The following GPR158 variants were observed in gnomAD, a reference collection of about 807,000 sequenced individuals.
The protein encoded by GPR158 is metabotropic glycine receptor.
A neutral mutation model predicts 78.2 loss-of-function variants in GPR158; 30 were observed. That is an observed-to-expected ratio of 0.38 (90% CI 0.29 to 0.52). The LOEUF (loss-of-function observed/expected upper bound fraction) is 0.52. GPR158 is among the 20% of genes least tolerant of loss of function. The pLI is 0.83. For missense variants in GPR158, 1,463 were observed against 1,523.5 expected (o/e 0.96, Z 0.66); for synonymous variants, 581 against 591.1 (o/e 0.98, Z 0.25).
intron 2 of GPR158, among the ~76,000 whole-genome samples, chr10:25,228,672 T>C (rs1853406455): frequency 6.6e-6 from 1 of 152,148 alleles, no homozygotes. Flanking sequence ...CCAATGTTTT[T>C]TTCCCCCTGA....
chr10:25,514,805 G>A (rs769177205), intron 5 of GPR158, among the ~76,000 whole-genome samples: 1 of 152,106 alleles, frequency 6.6e-6, no homozygotes, highest in African/African-American at 2.4e-5. Flanking sequence ...ATTCTTGGCT[G>A]ATAACTGTTT....
chr10:25,525,763 T>G (rs1243295855), intron 5 of GPR158, among the ~76,000 whole-genome samples: 1 of 152,124 alleles, frequency 6.6e-6, no homozygotes, highest in African/African-American at 2.4e-5. Context: ...TGACTATACT[T>G]CAAATGAATG....
intron 4 of GPR158, among the ~76,000 whole-genome samples, chr10:25,420,653 C>T (rs1242388730): frequency 6.6e-6 from 1 of 151,856 alleles, no homozygotes; most frequent in Non-Finnish European, 1.5e-5. Flanking sequence ...AGTATAAGAT[C>T]AGAATCCAAC....
chr10:25,408,527 G>A (rs1834544798), intron 3 of GPR158, among the ~76,000 whole-genome samples: 2 of 152,134 alleles, frequency 1.3e-5, no homozygotes, highest in Non-Finnish European at 2.9e-5. Flanking sequence ...AGTGCTCTAT[G>A]ACTTTTGACA....
intron 2 of GPR158, among the ~76,000 whole-genome samples, chr10:25,368,480 A>G (rs1588828832): frequency 6.6e-6 from 1 of 152,034 alleles, no homozygotes; most frequent in African/African-American, 2.4e-5. Context: ...GATCATATGG[A>G]AAAAATCTCA....
intron 2 of GPR158, among the ~76,000 whole-genome samples, chr10:25,312,446 A>T (rs1299113813): frequency 6.6e-6 from 1 of 152,070 alleles, no homozygotes; most frequent in Admixed American, 6.6e-5. Context: ...GAATTTTGTT[A>T]TTGTCAGAAA....
chr10:25,329,232 T>C lies in GPR158; in HGVS notation c.1009-66679T>C, dbSNP rs577207894. On this transcript the variant is annotated intron_variant, in intron 2 of 10. Coordinates refer to ENST00000376351, the MANE Select transcript of GPR158 (RefSeq NM_020752.3). ...CGGGCAGATCACGAGGTCAGGAGAT[T>C]GAGACCATCCTGGCTAACACGGTGA... Among the ~76,000 whole-genome samples the C allele has an allele frequency of 3.3e-3, 503 of 151,930 alleles. 3 individuals are homozygous for C. Among genetic ancestry groups the C allele is most frequent in the African/African-American group, 0.011 (464 of 41,470 alleles).
chr10:25,551,799 A>G (rs750702311), intron 6 of GPR158, among the ~76,000 whole-genome samples: 33 of 152,206 alleles, frequency 2.2e-4, no homozygotes, highest in Non-Finnish European at 4.4e-5. Context: ...GCCAAAGAGC[A>G]TAGGAGATAA....
At chr10:25,545,130 A>G (rs1281815693) in intron 5 of GPR158, among the ~76,000 whole-genome samples, 9 of 152,188 alleles carry the variant, frequency 5.9e-5, no homozygotes. Context: ...GGTTGGTTGC[A>G]AGTCTCTGCT....
chr10:25,322,414 A>G (rs1301340796), intron 2 of GPR158, among the ~76,000 whole-genome samples: 2 of 152,046 alleles, frequency 1.3e-5, no homozygotes, highest in African/African-American at 4.8e-5. Flanking sequence ...AAAATCACAG[A>G]TACTTGTGGA....
At chr10:25,313,432 G>T (rs1276157011) in intron 2 of GPR158, among the ~76,000 whole-genome samples, 1 of 151,858 alleles carries the variant, frequency 6.6e-6, no homozygotes, top group Non-Finnish European at 1.5e-5. Flanking sequence ...AAACACTTGG[G>T]AGTACTTAAC....
chr10:25,526,103 T>TTA (rs1836343657), intron 5 of GPR158, among the ~76,000 whole-genome samples: 1 of 69,174 alleles, frequency 1.4e-5, no homozygotes, highest in African/African-American at 4.9e-5. Context: ...CAATTTTGTC[T>TTA]AAAAAAAAAA....
At chr10:25,563,711 A>C (rs1427732374) in intron 6 of GPR158, among the ~76,000 whole-genome samples, 2 of 152,052 alleles carry the variant, frequency 1.3e-5, no homozygotes, top group Non-Finnish European at 2.9e-5. Context: ...GCTCCTATTA[A>C]CTTTTATGCT....
chr10:25,551,920 G>C (rs1478910013), intron 6 of GPR158, among the ~76,000 whole-genome samples: 2 of 152,178 alleles, frequency 1.3e-5, no homozygotes, highest in African/African-American at 4.8e-5. Context: ...ATATGTTCAT[G>C]CTAGTCTGGC....
intron 1 of GPR158, among the ~76,000 whole-genome samples, chr10:25,190,998 TA>T (rs1412452836): frequency 2.0e-5 from 3 of 152,324 alleles, no homozygotes; most frequent in African/African-American, 7.2e-5. Flanking sequence ...CTGGATAAGG[TA>T]AACTTTTAGG....
At chr10:25,399,677 T>G (rs1401981131) in intron 3 of GPR158, among the ~76,000 whole-genome samples, 1 of 152,206 alleles carries the variant, frequency 6.6e-6, no homozygotes, top group Non-Finnish European at 1.5e-5. Flanking sequence ...CATTAATCAC[T>G]TCTTGTCCTA....
intron 4 of GPR158, among the ~76,000 whole-genome samples, chr10:25,426,335 C>T (rs1321559249): frequency 1.3e-5 from 2 of 152,052 alleles, no homozygotes; most frequent in Admixed American, 6.6e-5. Flanking sequence ...TTTTACTTTC[C>T]ATCAGTAACT....
chr10:25,575,326 A>G (rs1837076515), intron 7 of GPR158, among the ~76,000 whole-genome samples: 1 of 152,144 alleles, frequency 6.6e-6, no homozygotes, highest in Admixed American at 6.5e-5. Context: ...ATAAGGATGT[A>G]TTTTGGTTTT....
intron 5 of GPR158, among the ~76,000 whole-genome samples, chr10:25,547,528 G>T (rs919056276): frequency 6.6e-6 from 1 of 151,970 alleles, no homozygotes; most frequent in Non-Finnish European, 1.5e-5. Context: ...TTTCGTTCTC[G>T]CTCACTTGTC....
Sources: allele counts gnomAD v4.1 joint callset (sites outside exome capture counted in the v4.1 genomes callset), GRCh38; gene constraint gnomAD v4.1.1; transcripts MANE v1.5; gene names NCBI Gene and HGNC (gene_info 2026-07-23, HGNC 2026-07-21).